The following CAPS2 variants were observed in gnomAD, a reference collection of about 807,000 sequenced individuals.
CAPS2 encodes the protein calcyphosin-2.
Under a neutral mutation model 86.5 loss-of-function variants are expected in CAPS2, and 98 were observed. The observed-to-expected ratio is 1.13, with a 90% confidence interval of 0.96 to 1.34. CAPS2 has a LOEUF of 1.34. CAPS2 is among the 40% of genes most tolerant of loss of function. The probability of loss-of-function intolerance (pLI) is 0.00; values close to 1 mark genes in which losing one functional copy is unlikely to be tolerated. For missense variants in CAPS2, 729 were observed against 686.8 expected (o/e 1.06, Z -0.69); for synonymous variants, 210 against 225.1 (o/e 0.93, Z 0.60).
In CAPS2 at chr12:75,321,725, C is replaced by T. The variant is rs575845424; in HGVS notation, c.292-149G>A. On this transcript the variant is annotated intron_variant, in intron 4 of 16. Coordinates refer to ENST00000393284, the Ensembl canonical transcript of CAPS2. ...TTCTAAGCAGAGATGGTATTTAAGA[C>T]ATTCAACTGGTACAGACAGCATCAC... The T allele has an allele frequency of 1.1e-5, 7 of 642,542 alleles. No homozygotes were observed. The South Asian group carries it at 1.3e-4, about 12-fold the overall frequency. The allele number at this position is 642,542 out of a possible 1,614,324, so 39.8% of individuals were successfully genotyped here.
At chr12:75,369,822 G>C in intron 1 of CAPS2, 2 of 1,316,052 alleles carry the variant, frequency 1.5e-6, no homozygotes, top group Non-Finnish European at 1.9e-6. Context: ...GGATTGAGTA[G>C]GAAAGTTTCA....
At chr12:75,285,800 C>T (rs139660361) in intron 14 of CAPS2, among the ~76,000 whole-genome samples, 125 of 152,052 alleles carry the variant, frequency 8.2e-4, no homozygotes, top group African/African-American at 3.0e-3. Flanking sequence ...TCAAAAGTCA[C>T]ATCCGGTCCT....
intron 1 of CAPS2, among the ~76,000 whole-genome samples, chr12:75,341,571 G>A (rs1030548380): frequency 2.0e-5 from 3 of 151,352 alleles, no homozygotes; most frequent in Non-Finnish European, 2.9e-5. Context: ...CTCAGCCTCC[G>A]GAGTAACTGA....
intron 1 of CAPS2, chr12:75,370,280 C>G (rs901094642): frequency 1.1e-5 from 7 of 623,676 alleles, no homozygotes; most frequent in South Asian, 8.3e-5. Context: ...ATCTTCTACA[C>G]TCTTGCCTGA....
intron 8 of CAPS2, among the ~76,000 whole-genome samples, chr12:75,301,119 A>G (rs1313601090): frequency 1.3e-5 from 2 of 152,356 alleles, no homozygotes; most frequent in East Asian, 3.9e-4. Flanking sequence ...CCCTACTGCC[A>G]ATAATCTCCT....
intron 1 of CAPS2, chr12:75,366,723 T>G (rs1481392578): frequency 6.8e-6 from 4 of 591,378 alleles, no homozygotes; most frequent in Non-Finnish European, 1.2e-5. Context: ...GTGCTGATTT[T>G]GGGTGAGACT....
chr12:75,355,157 C>T (rs999826834), intron 1 of CAPS2, among the ~76,000 whole-genome samples: 4 of 152,140 alleles, frequency 2.6e-5, no homozygotes, highest in Admixed American at 1.3e-4. Context: ...AGAACTTCTA[C>T]ACAGCAAAAG....
intron 9 of CAPS2, 147 bp downstream of exon 9, chr12:75,299,690 C>A (rs1365806853): frequency 4.7e-6 from 2 of 421,160 alleles, no homozygotes; most frequent in Non-Finnish European, 8.7e-6. Flanking sequence ...AGATTAATAG[C>A]TATTATTTTA....
intron 1 of CAPS2, among the ~76,000 whole-genome samples, chr12:75,366,536 A>G (rs2043973040): frequency 6.6e-6 from 1 of 152,162 alleles, no homozygotes; most frequent in Admixed American, 6.6e-5. Flanking sequence ...GCATGCCCTC[A>G]AACTTTTTCA....
chr12:75,351,550 GTT>G (rs1175807861), intron 1 of CAPS2, among the ~76,000 whole-genome samples: 6 of 131,040 alleles, frequency 4.6e-5, no homozygotes, highest in African/African-American at 1.1e-4. Context: ...GTTTTGTTTT[GTT>G]TTTTTTTTTT....
At chr12:75,353,681 G>T (rs939347458) in intron 1 of CAPS2, among the ~76,000 whole-genome samples, 1 of 152,024 alleles carries the variant, frequency 6.6e-6, no homozygotes, top group Non-Finnish European at 1.5e-5. Context: ...ACCTGGCAAA[G>T]AAACAACAAC....
intron 1 of CAPS2, among the ~76,000 whole-genome samples, chr12:75,356,042 G>C (rs1436134993): frequency 6.6e-6 from 1 of 152,018 alleles, no homozygotes; most frequent in East Asian, 1.9e-4. Flanking sequence ...CTTAATACCT[G>C]GGTGATGAGT....
At chr12:75,347,367 G>C (rs1225183010) in intron 1 of CAPS2, among the ~76,000 whole-genome samples, 2 of 151,878 alleles carry the variant, frequency 1.3e-5, no homozygotes, top group Non-Finnish European at 2.9e-5. Flanking sequence ...TTATGAATTT[G>C]GTTATATATT....
chr12:75,276,295 C>A, downstream of CAPS2: 1 of 1,528,168 alleles, frequency 6.5e-7, no homozygotes, highest in African/African-American at 1.4e-5. Context: ...TATTTGCAAG[C>A]ACTACAAACT....
chr12:75,277,841 T>C, exon 17 of CAPS2: 1 of 905,684 alleles, frequency 1.1e-6, no homozygotes, highest in Non-Finnish European at 1.3e-6. Context: ...CTCTTTTCTC[T>C]GTATTCCCAG....
At chr12:75,276,284 A>G, downstream of CAPS2, 1 of 1,530,112 alleles carries the variant, frequency 6.5e-7, no homozygotes. Flanking sequence ...TACATGTTTT[A>G]TATTTGCAAG....
chr12:75,325,548 T>G (rs1462113135), intron 1 of CAPS2: 1 of 153,326 alleles, frequency 6.5e-6, no homozygotes, highest in Non-Finnish European at 1.4e-5. Flanking sequence ...GAAAAAAAAG[T>G]CTATAACAGA....
intron 1 of CAPS2, among the ~76,000 whole-genome samples, chr12:75,363,933 GT>G (rs1303233737): frequency 6.6e-6 from 1 of 152,196 alleles, no homozygotes; most frequent in African/African-American, 2.4e-5. Context: ...CAAGTCAAAA[GT>G]CAAAGGCAGA....
chr12:75,325,070 A>G (rs912574952), intron 2 of CAPS2, among the ~76,000 whole-genome samples, 169 bp downstream of exon 3: 1 of 152,120 alleles, frequency 6.6e-6, no homozygotes, highest in Admixed American at 6.5e-5. Context: ...TTATCACAAC[A>G]GCTATTTTAA....
Sources: gnomAD v4.1 joint callset for allele counts (sites outside exome capture counted in the v4.1 genomes callset) on GRCh38, gnomAD v4.1.1 for gene constraint, MANE v1.5 for transcripts, NCBI Gene and HGNC (gene_info 2026-07-23, HGNC 2026-07-21) for gene names.